TANC2: variants seen among roughly 807,000 people sequenced by gnomAD.
TANC2 encodes protein TANC2.
Under a neutral mutation model 210.5 loss-of-function variants are expected in TANC2, and 26 were observed. The ratio of observed to expected loss-of-function variants is 0.12; its 90% CI spans 0.09 to 0.17. The LOEUF (loss-of-function observed/expected upper bound fraction) is 0.17, where lower values mean the gene tolerates loss of function less well. Among genes scored for constraint, TANC2 ranks in the 10% least tolerant of loss-of-function variants. TANC2 has a pLI of 1.00. For missense variants in TANC2, 2,129 were observed against 2,608.9 expected (o/e 0.82, Z 4.01); for synonymous variants, 931 against 967.1 (o/e 0.96, Z 0.69).
At position 63,193,850 on chromosome 17, in the gene TANC2, C is replaced by T. The variant is rs572517799; in HGVS notation, c.434-141C>T. ...GAATTTATATTGGGAGTGAGTAGTC[C>T]AAGAAAAACCTCATAACTTTGTAAT... On this transcript the variant is annotated intron_variant, in intron 5 of 27. Transcript: ENST00000689528. 982 of 932,804 alleles carry T rather than the reference C, an allele frequency of 1.1e-3. 2 individuals carry two copies. The highest frequency in any genetic ancestry group is 2.5e-3 in the South Asian group (82 of 32,964). The allele number at this position is 932,804 out of a possible 1,614,324, so 57.8% of individuals were successfully genotyped here.
intron 9 of TANC2, among the ~76,000 whole-genome samples, chr17:63,273,086 CTAGGCAACA>C (rs1407989526): frequency 1.3e-5 from 2 of 152,046 alleles, no homozygotes; most frequent in African/African-American, 2.4e-5. Context: ...CAAGACCAGC[CTAGGCAACA>C]TAGGCAACAT....
At chr17:63,347,532 G>T (rs889418559) in intron 12 of TANC2, among the ~76,000 whole-genome samples, 3 of 152,080 alleles carry the variant, frequency 2.0e-5, no homozygotes, top group Non-Finnish European at 4.4e-5. Context: ...AAAGGTAGCT[G>T]GAGTTTTTTC....
intron 2 of TANC2, among the ~76,000 whole-genome samples, chr17:63,013,158 A>T (rs754186726): frequency 2.0e-5 from 3 of 150,988 alleles, no homozygotes; most frequent in Non-Finnish European, 2.9e-5. Context: ...TGCAGCCTTT[A>T]GACTCCCGGA....
intron 9 of TANC2, among the ~76,000 whole-genome samples, chr17:63,292,049 G>A (rs1429437989): frequency 6.6e-6 from 1 of 152,152 alleles, no homozygotes; most frequent in Non-Finnish European, 1.5e-5. Flanking sequence ...AGGTAAGCGA[G>A]ATAAATTTAG....
At chr17:63,377,677 G>A (rs1036416111) in intron 14 of TANC2, among the ~76,000 whole-genome samples, 1 of 152,130 alleles carries the variant, frequency 6.6e-6, no homozygotes, top group South Asian at 2.1e-4. Context: ...TCCAACCTCT[G>A]CCTGTTACCC....
intron 8 of TANC2, among the ~76,000 whole-genome samples, chr17:63,244,881 A>G (rs913002304): frequency 1.3e-5 from 2 of 152,030 alleles, no homozygotes; most frequent in Non-Finnish European, 2.9e-5. Flanking sequence ...TTGATTTCTC[A>G]TGGTTTTATA....
chr17:63,395,358 T>C (rs1258072896), intron 17 of TANC2, among the ~76,000 whole-genome samples: 1 of 152,216 alleles, frequency 6.6e-6, no homozygotes, highest in Non-Finnish European at 1.5e-5. Context: ...TTTTTTGATT[T>C]CAAAGATAAT....
At chr17:63,052,201 A>C (rs2035607650) in intron 2 of TANC2, among the ~76,000 whole-genome samples, 1 of 152,220 alleles carries the variant, frequency 6.6e-6, no homozygotes, top group Non-Finnish European at 1.5e-5. Flanking sequence ...ATGTCGTCGT[A>C]TATTTTGTGA....
intron 14 of TANC2, among the ~76,000 whole-genome samples, chr17:63,370,550 TTTC>T (rs1450131413): frequency 6.6e-6 from 1 of 152,230 alleles, no homozygotes; most frequent in African/African-American, 2.4e-5. Context: ...ATAAACTAAT[TTTC>T]TTGTTTTATT....
At chr17:63,221,298 G>C (rs1189618152) in intron 7 of TANC2, among the ~76,000 whole-genome samples, 1 of 151,618 alleles carries the variant, frequency 6.6e-6, no homozygotes, top group Non-Finnish European at 1.5e-5. Context: ...GCCAGGCGTG[G>C]TGGTGGTGGT....
intron 2 of TANC2, among the ~76,000 whole-genome samples, chr17:63,052,192 TGTC>T: frequency 6.6e-6 from 1 of 152,342 alleles, no homozygotes; most frequent in Non-Finnish European, 1.5e-5. Flanking sequence ...TTGTGCCAGA[TGTC>T]GTCGTATATT....
chr17:63,113,201 G>A (rs2038120888), intron 4 of TANC2, among the ~76,000 whole-genome samples: 1 of 152,110 alleles, frequency 6.6e-6, no homozygotes, highest in South Asian at 2.1e-4. Flanking sequence ...ATAAAGCTTA[G>A]AACAGAATAT....
At chr17:63,055,950 A>G (rs1279992337) in intron 2 of TANC2, among the ~76,000 whole-genome samples, 1 of 121,566 alleles carries the variant, frequency 8.2e-6, no homozygotes, top group Non-Finnish European at 1.7e-5. Flanking sequence ...CAACGTAGTG[A>G]GACCTCATCT....
At chr17:63,134,341 CA>C (rs907014589) in intron 4 of TANC2, among the ~76,000 whole-genome samples, 2 of 152,168 alleles carry the variant, frequency 1.3e-5, no homozygotes, top group Non-Finnish European at 2.9e-5. Context: ...GCATTGAGCA[CA>C]TTATATATGC....
At chr17:63,126,511 C>A (rs534745404) in intron 4 of TANC2, among the ~76,000 whole-genome samples, 5 of 152,038 alleles carry the variant, frequency 3.3e-5, no homozygotes, top group Non-Finnish European at 1.5e-5. Flanking sequence ...TGGGTTCAAG[C>A]GATTCTCCTG....
rs1390861972 is a variant in TANC2, at chr17:63,037,380, A to AT, written c.67+27758dup. ...AACTTATGAATTGGTAATTTCTGGGATTTTCCATTTAATATTTTCTGACCG... is the reference window on the plus strand; with the variant it reads ...AACTTATGAATTGGTAATTTCTGGGATTTTTCCATTTAATATTTTCTGACCG... On this transcript the variant is annotated intron_variant, in intron 2 of 27. Coordinates refer to ENST00000689528, the Ensembl canonical transcript of TANC2. 3.9e-5 allele frequency among the ~76,000 whole-genome samples: 6 copies of AT among 152,156 alleles called. No homozygotes were observed. In the South Asian group the frequency reaches 1.0e-3, roughly 26 times the overall value.
chr17:63,358,376 A>AGAGAGAGTGTGTGTGTGTGTGTGTGTGT (rs1470682571), intron 14 of TANC2, among the ~76,000 whole-genome samples: 1 of 80,942 alleles, frequency 1.2e-5, no homozygotes, highest in African/African-American at 3.7e-5. Flanking sequence ...AGAGAGAGAG[A>AGAGAGAGTGTGTGTGTGTGTGTGTGTGT]GTATGTGTGT....
intron 7 of TANC2, among the ~76,000 whole-genome samples, chr17:63,216,765 C>T (rs1205140657): frequency 2.0e-5 from 3 of 152,060 alleles, no homozygotes; most frequent in Non-Finnish European, 4.4e-5. Flanking sequence ...TTTCAGTGGT[C>T]CACCCAAAAA....
chr17:63,157,067 C>T (rs1418736581), intron 5 of TANC2, among the ~76,000 whole-genome samples: 3 of 152,110 alleles, frequency 2.0e-5, no homozygotes, highest in South Asian at 4.1e-4. Context: ...TTTTAATCTT[C>T]TGTAGCTAAT....
Sources: gnomAD v4.1 joint callset for allele counts (sites outside exome capture counted in the v4.1 genomes callset) on GRCh38, gnomAD v4.1.1 for gene constraint, MANE v1.5 for transcripts, NCBI Gene and HGNC (gene_info 2026-07-23, HGNC 2026-07-21) for gene names.